Variants in TMSB15B observed in about 807,000 individuals in gnomAD.
TMSB15B encodes the protein thymosin beta 15B.
At chrX:103,943,798 TCTTC>T (rs200450677) in intron 1 of TMSB15B, among the ~76,000 whole-genome samples, 1,738 of 112,141 alleles carry the variant, frequency 0.015, 37 homozygotes, top group African/African-American at 0.054. Flanking sequence ...TGCCCCCATT[TCTTC>T]CTTCAACAAA....
At position 103,936,900 on chromosome X, in the gene TMSB15B, A is replaced by G. The variant is rs191024219; in HGVS notation, c.-721+17608A>G. Among the ~76,000 whole-genome samples, 9 of 112,228 alleles carry G rather than the reference A, an allele frequency of 8.0e-5. No individual in the cohort carries two copies. The East Asian group carries it at 2.2e-3, about 28-fold the overall frequency. ...AAAGGCCTTTTCTGCATCTATTGAC[A>G]TAATCATATGGTTTTTGTCATTGGT... On this transcript the variant is annotated intron_variant, in intron 1 of 3. Transcript: ENST00000419165.
At chrX:103,935,157 G>T (rs1424685767) in intron 1 of TMSB15B, among the ~76,000 whole-genome samples, 2 of 112,224 alleles carry the variant, frequency 1.8e-5, no homozygotes, top group African/African-American at 6.5e-5. Context: ...AAAAGTGTCT[G>T]TTCATATCCT....
intron 1 of TMSB15B, among the ~76,000 whole-genome samples, chrX:103,934,551 T>C (rs1362477796): frequency 9.0e-6 from 1 of 110,755 alleles, no homozygotes. Context: ...CCATATGTTC[T>C]CATTGTTCAA....
intron 1 of TMSB15B, among the ~76,000 whole-genome samples, chrX:103,923,223 CA>C (rs1556318164): frequency 8.9e-6 from 1 of 111,996 alleles, no homozygotes; most frequent in East Asian, 2.8e-4. Flanking sequence ...TCCCATTTGT[CA>C]ATGGATCATT....
chrX:103,922,333 A>T (rs1242130973), intron 1 of TMSB15B, among the ~76,000 whole-genome samples: 2 of 103,663 alleles, frequency 1.9e-5, no homozygotes, highest in African/African-American at 7.1e-5. Flanking sequence ...CATTAGGTAT[A>T]TCTCCTAATG....
At chrX:103,935,184 G>A (rs147105800) in intron 1 of TMSB15B, among the ~76,000 whole-genome samples, 197 of 111,827 alleles carry the variant, frequency 1.8e-3, no homozygotes, top group Non-Finnish European at 3.0e-3. Context: ...ACTTTTTGAT[G>A]GGGTTTTTGT....
At chrX:103,926,199 G>T (rs1341213327) in intron 1 of TMSB15B, among the ~76,000 whole-genome samples, 2 of 110,199 alleles carry the variant, frequency 1.8e-5, no homozygotes, top group Admixed American at 9.6e-5. Flanking sequence ...TGCGGAGGAG[G>T]GGGAGGTGGT....
At chrX:103,945,645 C>T (rs782556085) in intron 1 of TMSB15B, among the ~76,000 whole-genome samples, 6 of 112,001 alleles carry the variant, frequency 5.4e-5, no homozygotes, top group African/African-American at 1.9e-4. Context: ...AAACCATATT[C>T]AAATCATAAC....
intron 1 of TMSB15B, among the ~76,000 whole-genome samples, chrX:103,954,887 C>A (rs2075047554): frequency 8.9e-6 from 1 of 111,794 alleles, no homozygotes; most frequent in African/African-American, 3.3e-5. Context: ...GGGAGGCAGG[C>A]ACCTCTGCAT....
In TMSB15B at chrX:103,932,884, A is replaced by C. The variant is rs186619615; in HGVS notation, c.-721+13592A>C. On this transcript the variant is annotated intron_variant, in intron 1 of 3. Transcript: ENST00000419165. Reference sequence around the variant, plus strand: ...ACATCTGTTTAAAGACATAAAATATACAATTTAACACTAAAGCTACTTGGT... The same window carrying C: ...ACATCTGTTTAAAGACATAAAATATCCAATTTAACACTAAAGCTACTTGGT... The C allele has an allele frequency of 5.4e-5, 6 of 112,140 alleles. No homozygotes were observed. The East Asian group carries it at 1.7e-3, about 31-fold the overall frequency. The allele number at this position is 112,140 out of a possible 1,213,427, so 9.2% of individuals were successfully genotyped here. A position where few individuals can be genotyped will look rare whatever the true frequency, so the allele number is the denominator to read the frequency against.
Position 103,927,979 on chromosome X carries a change from T to G in TMSB15B, c.-721+8687T>G, listed in dbSNP as rs2074973557. ...GCTTGTTTCTGTCGACCTGAGTTTC[T>G]TAGGGTTCATTTCCAATTAAGCAAT... is the stretch of plus-strand genomic sequence containing the variant. On this transcript the variant is annotated intron_variant, in intron 1 of 3. Transcript: ENST00000419165. 1.4e-5 allele frequency: 6 copies of G among 429,596 alleles called. No individual in the cohort carries two copies. In the South Asian group the frequency reaches 3.1e-4, roughly 22 times the overall value. The allele number at this position is 429,596 out of a possible 1,213,427, so 35.4% of individuals were successfully genotyped here.
Position 103,950,095 on chromosome X carries a change from C to A in TMSB15B, c.-720-11926C>A, listed in dbSNP as rs782388054. Reference sequence around the variant, plus strand: ...AATGTGAAGTCACTCATGACCATAACCATGACAGGAGCAATTTCAACTGAT... The same window carrying A: ...AATGTGAAGTCACTCATGACCATAAACATGACAGGAGCAATTTCAACTGAT... On this transcript the variant is annotated intron_variant, in intron 1 of 3. Coordinates refer to the TMSB15B transcript ENST00000419165. 3.6e-5 allele frequency among the ~76,000 whole-genome samples: 4 copies of A among 111,364 alleles called. No homozygotes were observed. The East Asian group carries it at 8.5e-4, about 24-fold the overall frequency.
chrX:103,939,828 C>T (rs1212670287), intron 1 of TMSB15B, among the ~76,000 whole-genome samples: 2 of 111,738 alleles, frequency 1.8e-5, no homozygotes, highest in Non-Finnish European at 3.8e-5. Flanking sequence ...TGGTGACCTT[C>T]GAATTGAGTT....
intron 1 of TMSB15B, among the ~76,000 whole-genome samples, chrX:103,943,199 A>G (rs1556326069): frequency 3.6e-5 from 4 of 111,574 alleles, no homozygotes; most frequent in Middle Eastern, 4.3e-3. Context: ...TAAACTATTT[A>G]TTCTCCTTAC....
chrX:103,927,362 A>G (rs1205666586), intron 1 of TMSB15B, among the ~76,000 whole-genome samples: 47 of 112,366 alleles, frequency 4.2e-4, no homozygotes, highest in Admixed American at 2.1e-3. Context: ...CCAAAATGTC[A>G]ATAGCACTGA....
intron 1 of TMSB15B, chrX:103,931,797 A>G (rs2147819020): frequency 8.9e-6 from 1 of 112,058 alleles, no homozygotes; most frequent in Admixed American, 9.5e-5. Context: ...ACTAGTCACC[A>G]GAGAGACCAA....
intron 1 of TMSB15B, among the ~76,000 whole-genome samples, chrX:103,955,574 G>A (rs1480035512): frequency 1.8e-5 from 2 of 109,921 alleles, no homozygotes; most frequent in South Asian, 3.9e-4. Context: ...GAAGTAAGAC[G>A]AGCAGATAAG....
At chrX:103,924,013 T>C (rs2074961436) in intron 1 of TMSB15B, among the ~76,000 whole-genome samples, 1 of 112,110 alleles carries the variant, frequency 8.9e-6, no homozygotes, top group Non-Finnish European at 1.9e-5. Context: ...GTTGCTGTGC[T>C]AAGCACTTTC....
intron 1 of TMSB15B, chrX:103,928,308 C>T (rs1305031671): frequency 2.2e-5 from 27 of 1,202,363 alleles, no homozygotes; most frequent in Admixed American, 1.7e-4. Flanking sequence ...CACTTTGGCA[C>T]GAAGGTCCTC....
Sources: allele counts gnomAD v4.1 joint callset (sites outside exome capture counted in the v4.1 genomes callset), GRCh38; gene constraint gnomAD v4.1.1; transcripts MANE v1.5; gene names NCBI Gene and HGNC (gene_info 2026-07-23, HGNC 2026-07-21).